Variants in ZCCHC14 observed in about 807,000 individuals in gnomAD.
ZCCHC14 encodes zinc finger CCHC-type containing 14.
ZCCHC14 carries 16 observed loss-of-function variants against 85.0 expected under a neutral mutation model. The ratio of observed to expected loss-of-function variants is 0.19; its 90% CI spans 0.13 to 0.29. The LOEUF (loss-of-function observed/expected upper bound fraction) is 0.29, where lower values mean the gene tolerates loss of function less well. Ranked by LOEUF, ZCCHC14 falls within the 10% of genes least tolerant of loss-of-function variation. ZCCHC14 has a pLI of 1.00. For synonymous variants in ZCCHC14, 775 were observed against 630.7 expected, an observed-to-expected ratio of 1.23 and a Z score of -3.43; for missense variants, 1,303 against 1,443.5, an observed-to-expected ratio of 0.90 and a Z score of 1.58.
intron 2 of ZCCHC14, among the ~76,000 whole-genome samples, chr16:87,433,815 T>C (rs1909781059): frequency 6.6e-6 from 1 of 152,152 alleles, no homozygotes; most frequent in African/African-American, 2.4e-5. Context: ...GGCTGATTTT[T>C]GTACTTTTAG....
At chr16:87,423,973 G>T in intron 3 of ZCCHC14, 92 bp from the exon 4 acceptor site, 1 of 1,390,188 alleles carries the variant, frequency 7.2e-7, no homozygotes, top group Non-Finnish European at 9.9e-7. Context: ...CACACGTTCA[G>T]TCGGCAGCTG....
Position 87,443,969 on chromosome 16 carries a change from G to A in ZCCHC14, c.695-10768C>T, listed in dbSNP as rs145664701. On this transcript the variant is annotated intron_variant, in intron 2 of 12. Transcript: ENST00000671377. ...TGAGAATCACTTGAACCTGGGAGGCGGAGATTACAGTGAGCCAAGACTGTG... is the reference window on the plus strand; with the variant it reads ...TGAGAATCACTTGAACCTGGGAGGCAGAGATTACAGTGAGCCAAGACTGTG... Among the ~76,000 whole-genome samples the A allele has an allele frequency of 5.1e-3, 764 of 150,278 alleles. 6 individuals carry two copies. Among genetic ancestry groups the A allele is most frequent in the African/African-American group, 0.016 (670 of 40,766 alleles).
chr16:87,425,859 T>C (rs910611281), intron 3 of ZCCHC14, among the ~76,000 whole-genome samples: 1 of 152,184 alleles, frequency 6.6e-6, no homozygotes, highest in Admixed American at 6.5e-5. Flanking sequence ...GCTGTATCTT[T>C]CCTACTGCGC....
In ZCCHC14 at chr16:87,417,697, G is replaced by A; in HGVS notation, c.1146C>T (p.Ala382=). 6.2e-7 allele frequency: 1 copy of A among 1,608,926 alleles called. No homozygotes were observed. Among genetic ancestry groups the A allele is most frequent in the Non-Finnish European group, 8.5e-7 (1 of 1,178,310 alleles). Residue 382 remains alanine, a synonymous_variant, in exon 8 of 13, where the codon GCC becomes GCT. Coordinates refer to ENST00000671377, the MANE Select transcript of ZCCHC14 (RefSeq NM_015144.3). The part of the protein sequence containing the change: ...VAGIPSSQSG[A]QHHGQHPAGS... ...CGGCCGGGTGCTGCCCGTGGTGCTG[G>A]GCTCCGCTCTGCGAGGACGGGATAC...
At chr16:87,462,679 G>C (rs1382725035) in intron 1 of ZCCHC14, among the ~76,000 whole-genome samples, 3 of 151,780 alleles carry the variant, frequency 2.0e-5, no homozygotes, top group African/African-American at 7.3e-5. Context: ...GGTGGAGCTT[G>C]CAGTGAGCCG....
Position 87,412,509 on chromosome 16 carries a change from T to C in ZCCHC14, c.2212A>G (p.Thr738Ala). The change falls in exon 12 of 13, where the codon ACG becomes GCG. Residue 738 changes from threonine (T) to alanine (A), a missense_variant. Coordinates refer to ENST00000671377, the MANE Select transcript of ZCCHC14 (RefSeq NM_015144.3). ...GCTGTCTTCAGCACCCTGTCCAGCG[T>C]GGATGCATGCACGACTTTGGTCCGG... is the stretch of plus-strand genomic sequence containing the variant. ...GPRTKVVHAS[T>A]LDRVLKTAQQ... 6.2e-7 allele frequency: 1 copy of C among 1,613,966 alleles called. No individual in the cohort carries two copies. Among genetic ancestry groups the C allele is most frequent in the African/African-American group, 1.3e-5 (1 of 75,008 alleles).
At chr16:87,433,462 CA>C (rs1010580853) in intron 2 of ZCCHC14, among the ~76,000 whole-genome samples, 12 of 152,266 alleles carry the variant, frequency 7.9e-5, no homozygotes, top group African/African-American at 2.9e-4. Flanking sequence ...CACTGGAGTA[CA>C]GACACACGTT....
chr16:87,423,699 C>A, intron 4 of ZCCHC14, 111 bp downstream of exon 4: 1 of 1,249,134 alleles, frequency 8.0e-7, no homozygotes, highest in Non-Finnish European at 1.1e-6. Context: ...CCGCCCTGCG[C>A]ACGCTCACTC....
In ZCCHC14 at chr16:87,409,725, T is replaced by C. The variant is rs1488384139; in HGVS notation, c.*555A>G. 6.5e-6 allele frequency: 1 copy of C among 152,714 alleles called. No individual in the cohort carries two copies. The highest frequency in any genetic ancestry group is 1.9e-4 in the East Asian group (1 of 5,196). The allele number at this position is 152,714 out of a possible 1,614,324, so 9.5% of individuals were successfully genotyped here. A position where few individuals can be genotyped will look rare whatever the true frequency, so the allele number is the denominator to read the frequency against. On this transcript the variant is annotated 3_prime_UTR_variant, in exon 13 of 13. Transcript: ENST00000671377. The stretch of plus-strand genomic sequence containing the variant: ...TTGGAGTCTCTTGCACTGACTGTTC[T>C]CAGAGGAGTTTGGCTCCCAGAACCG...
chr16:87,411,369 T>G (rs1908423239), intron 12 of ZCCHC14, 147 bp downstream of exon 12: 1 of 1,508,060 alleles, frequency 6.6e-7, no homozygotes, highest in Admixed American at 2.2e-5. Context: ...CCTCACGGCC[T>G]ATCATGAAGA....
chr16:87,492,230 C>T lies in ZCCHC14; in HGVS notation c.9G>A (p.Glu3=). 6 of 983,772 alleles carry T rather than the reference C, an allele frequency of 6.1e-6. No individual in the cohort carries two copies. The highest frequency in any genetic ancestry group is 7.2e-6 in the Non-Finnish European group (6 of 829,478). 60.9% of individuals were successfully genotyped at this position (983,772 alleles called of 1,614,324 possible). ...CGTCCCTCTGCAGCGGGCAGCGCTT[C>T]TCCACCATGCTGCCGCCCGCGCCGC... MV[E]KRCPLQRDGV... The change falls in exon 1 of 13, where the codon GAG becomes GAA. Residue 3 remains glutamate, a synonymous_variant. Coordinates refer to ENST00000671377, the MANE Select transcript of ZCCHC14 (RefSeq NM_015144.3). This position sits in a 1 kb window ranked among gnomAD's most constrained non-coding sequence, Gnocchi z 6.7.
chr16:87,421,357 A>C (rs1909085760), intron 4 of ZCCHC14, among the ~76,000 whole-genome samples: 1 of 152,204 alleles, frequency 6.6e-6, no homozygotes, highest in Admixed American at 6.5e-5. Flanking sequence ...GGAGTGGGGC[A>C]GGGACAATAC....
chr16:87,461,881 G>T (rs890328478), intron 1 of ZCCHC14, among the ~76,000 whole-genome samples: 3 of 152,230 alleles, frequency 2.0e-5, no homozygotes, highest in African/African-American at 7.2e-5. Flanking sequence ...GTTCATGCAG[G>T]GAGAGGGACT....
intron 1 of ZCCHC14, among the ~76,000 whole-genome samples, chr16:87,484,014 C>A (rs145969365): frequency 1.6e-3 from 249 of 152,280 alleles, no homozygotes; most frequent in African/African-American, 5.7e-3. Flanking sequence ...ACAGAGAAGC[C>A]TCATCTGGAA....
intron 10 of ZCCHC14, 66 bp from the exon 11 acceptor site, chr16:87,413,261 C>G: frequency 1.4e-6 from 2 of 1,453,330 alleles, no homozygotes; most frequent in East Asian, 2.5e-5. Flanking sequence ...CGCCCCGTGC[C>G]CCTGCATCGC....
chr16:87,442,663 T>A (rs1910242112), intron 2 of ZCCHC14, among the ~76,000 whole-genome samples: 1 of 152,220 alleles, frequency 6.6e-6, no homozygotes, highest in South Asian at 2.1e-4. Context: ...AGAAGCTCAA[T>A]GAGCTTATCC....
chr16:87,441,003 AG>A (rs1207086279), intron 2 of ZCCHC14, among the ~76,000 whole-genome samples: 3 of 148,434 alleles, frequency 2.0e-5, no homozygotes, highest in Admixed American at 6.7e-5. Context: ...GTTCCCATAA[AG>A]TTTTTTTTTT....
chr16:87,424,284 C>T (rs1041758887), intron 3 of ZCCHC14, among the ~76,000 whole-genome samples: 1 of 152,176 alleles, frequency 6.6e-6, no homozygotes, highest in Non-Finnish European at 1.5e-5. Flanking sequence ...CTTCGACCAC[C>T]GGTAAGGGCC....
At chr16:87,446,850 G>GT (rs1316778145) in intron 2 of ZCCHC14, among the ~76,000 whole-genome samples, 1 of 151,874 alleles carries the variant, frequency 6.6e-6, no homozygotes, top group African/African-American at 2.4e-5. Context: ...TGCCTGGCTA[G>GT]TTTTTTTGTA....
Sources: gnomAD v4.1 joint callset for allele counts (sites outside exome capture counted in the v4.1 genomes callset) on GRCh38, gnomAD v4.1.1 for gene constraint, Gnocchi (gnomAD v3.1) non-coding constraint, MANE v1.5 for transcripts, NCBI Gene and HGNC (gene_info 2026-07-23, HGNC 2026-07-21) for gene names.